Variants in EFCAB6 observed in about 807,000 individuals in gnomAD.
EFCAB6 encodes the protein EF-hand calcium-binding domain-containing protein 6.
In EFCAB6, 156 loss-of-function variants were observed where a neutral mutation model predicts 169.8. The observed-to-expected ratio is 0.92, with a 90% CI of 0.81 to 1.05. The LOEUF is 1.05. Among genes scored for constraint, EFCAB6 ranks in the 50% least tolerant of loss-of-function variants. EFCAB6 has a pLI of 0.00. For synonymous variants in EFCAB6, 698 were observed against 676.4 expected (o/e 1.03, Z -0.50); for missense variants, 1,800 against 1,829.1 (o/e 0.98, Z 0.29).
intron 24 of EFCAB6, among the ~76,000 whole-genome samples, chr22:43,586,340 A>ATTTTTTTTTTT (rs36058832): frequency 0.011 from 814 of 72,876 alleles, 113 homozygotes; most frequent in African/African-American, 0.024. Flanking sequence ...GCAACAACTG[A>ATTTTTTTTTTT]TTTTTTTTTT....
At position 43,632,135 on chromosome 22, in the gene EFCAB6, A is replaced by C. The variant is rs543331704; in HGVS notation, c.2202T>G (p.Leu734=). 1 of 1,614,114 alleles carries C rather than the reference A, an allele frequency of 6.2e-7. No individual in the cohort carries two copies. Among genetic ancestry groups the C allele is most frequent in the Non-Finnish European group, 8.5e-7 (1 of 1,180,010 alleles). ...ATGACTCCTTCAGCCTCCTAGGGAA[A>C]AGCTTCAGGCATTCTTCTGCGGTGA... ...HFITAEECLK[L]FPRRLKESFR... Residue 734 remains leucine (L), a synonymous_variant, in exon 19 of 32, where the codon CTT becomes CTG. Transcript: ENST00000262726.
chr22:43,665,292 G>A (rs1603069860), intron 17 of EFCAB6, among the ~76,000 whole-genome samples: 1 of 152,210 alleles, frequency 6.6e-6, no homozygotes, highest in East Asian at 1.9e-4. Flanking sequence ...ACCTGCAACT[G>A]AGCTGATGAC....
chr22:43,783,455 C>T (rs1265211698), intron 2 of EFCAB6, among the ~76,000 whole-genome samples: 1 of 152,084 alleles, frequency 6.6e-6, no homozygotes, highest in Non-Finnish European at 1.5e-5. Flanking sequence ...AAGCTCTGCA[C>T]AAGCAGGAAA....
chr22:43,607,444 T>C (rs2053002829), intron 22 of EFCAB6, among the ~76,000 whole-genome samples: 1 of 152,140 alleles, frequency 6.6e-6, no homozygotes, highest in African/African-American at 2.4e-5. Flanking sequence ...TATCCTAAAG[T>C]CAACTGAGAG....
intron 21 of EFCAB6, among the ~76,000 whole-genome samples, chr22:43,614,467 C>G (rs2053555681): frequency 6.6e-6 from 1 of 152,180 alleles, no homozygotes; most frequent in Non-Finnish European, 1.5e-5. Context: ...ATACCCTCCA[C>G]AAAAATTAAC....
intron 7 of EFCAB6, among the ~76,000 whole-genome samples, chr22:43,732,055 T>C (rs552362311): frequency 6.6e-6 from 1 of 152,300 alleles, no homozygotes; most frequent in East Asian, 1.9e-4. Flanking sequence ...ACAGAAATGT[T>C]GCTGGACCTG....
rs544351786 is a variant in EFCAB6, at chr22:43,615,705, C to G, written c.2562+121G>C. ...TTTAAGAATAGCAGGAGTCCTCACACTGGGTACACAGAGTTGTTTTCCCAT... is the reference window on the plus strand; with the variant it reads ...TTTAAGAATAGCAGGAGTCCTCACAGTGGGTACACAGAGTTGTTTTCCCAT... On this transcript the variant is annotated intron_variant, in intron 21 of 31. Transcript: ENST00000262726. 106 of 729,668 alleles carry G rather than the reference C, an allele frequency of 1.5e-4. No homozygotes were observed. The African/African-American group carries it at 1.7e-3, about 12-fold the overall frequency. 45.2% of individuals were successfully genotyped at this position (729,668 alleles called of 1,614,324 possible). A position where few individuals can be genotyped will look rare whatever the true frequency, so the allele number is the denominator to read the frequency against.
At chr22:43,692,927 T>G (rs1245566309) in intron 10 of EFCAB6, among the ~76,000 whole-genome samples, 1 of 152,148 alleles carries the variant, frequency 6.6e-6, no homozygotes, top group Non-Finnish European at 1.5e-5. Flanking sequence ...AAAAAGGCCT[T>G]GCCAAGGTAC....
chr22:43,650,714 C>T (rs1041778511), intron 17 of EFCAB6, among the ~76,000 whole-genome samples: 7 of 151,802 alleles, frequency 4.6e-5, no homozygotes, highest in African/African-American at 1.5e-4. Context: ...ATGGCTTTGA[C>T]AAAAATGCTA....
chr22:43,683,803 T>C lies in EFCAB6; in HGVS notation c.1195A>G (p.Arg399Gly). 1.2e-6 allele frequency: 2 copies of C among 1,613,758 alleles called. No individual in the cohort carries two copies. The highest frequency in any genetic ancestry group is 1.1e-5 in the South Asian group (1 of 91,074). ...GACGCAGAGTGATCTTCAGTGTGTCTAAATAACTTTGTGATGATGTTTTCC... is the reference window on the plus strand; with the variant it reads ...GACGCAGAGTGATCTTCAGTGTGTCCAAATAACTTTGTGATGATGTTTTCC... ...HKENIITKLF[R>G]HTEDHSASLK... Residue 399 changes from arginine to glycine, a missense_variant, in exon 12 of 32, where the codon AGA (arginine) becomes GGA (glycine). Transcript: ENST00000262726.
At chr22:43,646,872 GA>G (rs574767588) in intron 17 of EFCAB6, among the ~76,000 whole-genome samples, 140 of 152,296 alleles carry the variant, frequency 9.2e-4, no homozygotes, top group Middle Eastern at 6.8e-3. Flanking sequence ...TGGTAGGAAT[GA>G]ATTTGATAGA....
chr22:43,585,475 G>A (rs988560047), intron 24 of EFCAB6, among the ~76,000 whole-genome samples: 15 of 152,042 alleles, frequency 9.9e-5, no homozygotes, highest in African/African-American at 3.6e-4. Flanking sequence ...TCCAAAGACT[G>A]GGAAAATTTC....
intron 17 of EFCAB6, among the ~76,000 whole-genome samples, chr22:43,653,703 T>C (rs1412319653): frequency 2.0e-5 from 3 of 152,078 alleles, no homozygotes; most frequent in Non-Finnish European, 2.9e-5. Flanking sequence ...GATACCTAAG[T>C]GGTAATTTTG....
chr22:43,543,616 T>C (rs907018973), intron 27 of EFCAB6, among the ~76,000 whole-genome samples: 1 of 152,090 alleles, frequency 6.6e-6, no homozygotes, highest in African/African-American at 2.4e-5. Context: ...GGTCTGCTCC[T>C]CTACAAAGCA....
intron 26 of EFCAB6, among the ~76,000 whole-genome samples, chr22:43,563,620 T>C (rs2049222235): frequency 1.3e-5 from 2 of 152,208 alleles, no homozygotes; most frequent in African/African-American, 4.8e-5. Flanking sequence ...GCCTGGGATT[T>C]CACCAACACA....
chr22:43,742,337 ACTG>A (rs1171239758), intron 6 of EFCAB6, among the ~76,000 whole-genome samples: 1 of 152,184 alleles, frequency 6.6e-6, no homozygotes, highest in East Asian at 1.9e-4. Flanking sequence ...TCGTCTAGGG[ACTG>A]CTTTCCCTTC....
intron 3 of EFCAB6, 85 bp from the exon 4 acceptor site, chr22:43,773,188 G>A: frequency 7.4e-7 from 1 of 1,350,544 alleles, no homozygotes; most frequent in Non-Finnish European, 1.0e-6. Context: ...ACGGAACCAA[G>A]AAAACTTATT....
At position 43,528,893 on chromosome 22, in the gene EFCAB6, T is replaced by C. The variant is rs757977975; in HGVS notation, c.4466A>G (p.Lys1489Arg). The C allele has an allele frequency of 6.2e-7, 1 of 1,611,702 alleles. No homozygotes were observed. The part of the protein sequence containing the change: ...LEYYDKTLSS[K>R]ISYNDFLRAF... ...CCGGAGGAAGTCGTTGTAGGAGATTTTTGAAGACAGCGTCTTATCGTAATA... is the reference window on the plus strand; with the variant it reads ...CCGGAGGAAGTCGTTGTAGGAGATTCTTGAAGACAGCGTCTTATCGTAATA... Residue 1489 changes from lysine (K) to arginine (R), a missense_variant, in exon 32 of 32, where the codon AAA (lysine) becomes AGA (arginine). Physicochemically the swap from Lys to Arg is conservative, Grantham distance 26. Transcript: ENST00000262726.
chr22:43,595,160 C>T (rs1602494826), intron 23 of EFCAB6, among the ~76,000 whole-genome samples: 1 of 150,884 alleles, frequency 6.6e-6, no homozygotes, highest in South Asian at 2.1e-4. Context: ...CAATAAATGC[C>T]TACATTAAAA....
Sources: gnomAD v4.1 joint callset for allele counts (sites outside exome capture counted in the v4.1 genomes callset) on GRCh38, gnomAD v4.1.1 for gene constraint, MANE v1.5 for transcripts, NCBI Gene and HGNC (gene_info 2026-07-23, HGNC 2026-07-21) for gene names.